SORCS3: variants seen among roughly 807,000 people sequenced by gnomAD.
SORCS3 encodes sortilin related VPS10 domain containing receptor 3.
In SORCS3, 57 loss-of-function variants were observed where a neutral mutation model predicts 146.3. That is an observed-to-expected ratio of 0.39 (90% CI 0.31 to 0.49). SORCS3 has a LOEUF of 0.49. SORCS3 is among the 20% of genes least tolerant of loss of function. SORCS3 has a pLI of 0.92. For missense variants in SORCS3, 1,341 were observed against 1,575.5 expected, an observed-to-expected ratio of 0.85 and a Z score of 2.52; for synonymous variants, 653 against 618.5, an observed-to-expected ratio of 1.06 and a Z score of -0.83.
rs564141211 is a variant in SORCS3 at position 104,832,664 on chromosome 10, G to A, written c.628-10128G>A. Among the ~76,000 whole-genome samples, 157 of 152,294 alleles carry A rather than the reference G, an allele frequency of 1.0e-3. 1 individual carries two copies. The Middle Eastern group carries it at 0.017, about 16-fold the overall frequency. ...ACCCAGGAGGCAGAGGTTGCAGTGA[G>A]CCAAGACAGGGCCATTGCCCTCCAG... On this transcript the variant is annotated intron_variant, in intron 1 of 26. Coordinates refer to ENST00000369701, the MANE Select transcript of SORCS3 (RefSeq NM_014978.3).
chr10:105,098,647 AATG>A (rs1394278517), intron 6 of SORCS3, among the ~76,000 whole-genome samples: 1 of 152,200 alleles, frequency 6.6e-6, no homozygotes, highest in Non-Finnish European at 1.5e-5. Flanking sequence ...ATAACAGGGA[AATG>A]ATAATAATTG....
chr10:104,847,932 G>T (rs1332313515), intron 2 of SORCS3, among the ~76,000 whole-genome samples: 2 of 151,936 alleles, frequency 1.3e-5, no homozygotes, highest in Non-Finnish European at 2.9e-5. Flanking sequence ...GGCACTTCCT[G>T]CTGGAGACCT....
intron 1 of SORCS3, among the ~76,000 whole-genome samples, chr10:104,733,636 A>G (rs991707304): frequency 3.3e-5 from 5 of 151,460 alleles, no homozygotes; most frequent in Admixed American, 1.3e-4. Flanking sequence ...GAGATCAGAG[A>G]CTTGCCTTCA....
At chr10:105,102,195 G>A (rs933905058) in intron 6 of SORCS3, among the ~76,000 whole-genome samples, 2 of 152,132 alleles carry the variant, frequency 1.3e-5, no homozygotes, top group Non-Finnish European at 2.9e-5. Flanking sequence ...AAATTGCAGA[G>A]CAGAAAGGAA....
chr10:104,911,841 G>A (rs1345198611), intron 2 of SORCS3, among the ~76,000 whole-genome samples: 1 of 152,114 alleles, frequency 6.6e-6, no homozygotes, highest in Non-Finnish European at 1.5e-5. Flanking sequence ...TCTAAGTCAT[G>A]TTAGCCAGAA....
rs1564766748 is a variant in SORCS3 at position 105,147,734 on chromosome 10, G to A, written c.1420G>A (p.Ala474Thr). The change falls in exon 9 of 27, where the codon GCC becomes ACC. Residue 474 changes from alanine to threonine, a missense_variant. Transcript: ENST00000369701. ...SDTRGIYFTL[A>T]MENIKSSRGL... Reference sequence around the variant, plus strand: ...CACGCGTGGGATTTACTTCACTCTGGCCATGGAGAACATCAAGAGCAGCAG... The same window carrying A: ...CACGCGTGGGATTTACTTCACTCTGACCATGGAGAACATCAAGAGCAGCAG... The A allele has an allele frequency of 6.2e-7, 1 of 1,613,094 alleles. No individual in the cohort carries two copies. The highest frequency in any genetic ancestry group is 8.5e-7 in the Non-Finnish European group (1 of 1,179,334).
At chr10:105,009,991 A>G (rs2133680306) in intron 4 of SORCS3, among the ~76,000 whole-genome samples, 1 of 152,278 alleles carries the variant, frequency 6.6e-6, no homozygotes, top group African/African-American at 2.4e-5. Context: ...CCCAAACATA[A>G]TCTAAGATTT....
intron 7 of SORCS3, among the ~76,000 whole-genome samples, chr10:105,118,393 C>A (rs985620833): frequency 2.6e-5 from 4 of 152,110 alleles, no homozygotes; most frequent in African/African-American, 9.7e-5. Context: ...TCAATTAAAC[C>A]TCTTTTCTTT....
intron 2 of SORCS3, among the ~76,000 whole-genome samples, chr10:104,863,763 G>A (rs767402977): frequency 6.6e-6 from 1 of 152,228 alleles, no homozygotes; most frequent in African/African-American, 2.4e-5. Flanking sequence ...TAGCTTTGCA[G>A]TGGTGGTGTT....
At chr10:105,200,144 G>A (rs2056566253) in intron 15 of SORCS3, 28 bp downstream of exon 15, 6 of 1,569,506 alleles carry the variant, frequency 3.8e-6, no homozygotes, top group Non-Finnish European at 5.3e-6. Flanking sequence ...TTGGAGTGCT[G>A]GCTTTGAGGA....
At chr10:104,737,249 G>A (rs2016784942) in intron 1 of SORCS3, among the ~76,000 whole-genome samples, 1 of 152,154 alleles carries the variant, frequency 6.6e-6, no homozygotes, top group Admixed American at 6.5e-5. Context: ...AAGTGTGCAT[G>A]TGTCTTTATA....
intron 5 of SORCS3, among the ~76,000 whole-genome samples, chr10:105,081,221 T>A (rs943122286): frequency 1.3e-5 from 2 of 152,184 alleles, no homozygotes; most frequent in African/African-American, 4.8e-5. Context: ...AATATTTCCC[T>A]CATGCATACC....
chr10:104,750,165 T>C (rs1315579660), intron 1 of SORCS3, among the ~76,000 whole-genome samples: 1 of 152,046 alleles, frequency 6.6e-6, no homozygotes, highest in Non-Finnish European at 1.5e-5. Flanking sequence ...CAGGGAAAGA[T>C]TATAGAAGGG....
At chr10:104,921,913 G>C (rs775260986) in intron 3 of SORCS3, among the ~76,000 whole-genome samples, 2 of 152,190 alleles carry the variant, frequency 1.3e-5, no homozygotes, top group Non-Finnish European at 1.5e-5. Flanking sequence ...TTTCTTGGAG[G>C]AGGAGGGGAA....
intron 3 of SORCS3, among the ~76,000 whole-genome samples, chr10:104,961,547 C>T (rs1334122906): frequency 6.6e-6 from 1 of 152,210 alleles, no homozygotes; most frequent in East Asian, 1.9e-4. Flanking sequence ...TTTAAAATTA[C>T]TGGAAATAAA....
chr10:105,247,325 G>C lies in SORCS3; in HGVS notation c.3099G>C (p.Leu1033=), dbSNP rs2056872934. 1.3e-6 allele frequency: 2 copies of C among 1,592,778 alleles called. No individual in the cohort carries two copies. The change falls in exon 22 of 27, where the codon CTG becomes CTC. Residue 1033 remains leucine, a synonymous_variant. Coordinates refer to ENST00000369701, the MANE Select transcript of SORCS3 (RefSeq NM_014978.3). ...TTGGCAATGTCATCAAGCGAGCTCT[G>C]GTTAAAGTAAGTTGGCTTTGTCTTT... ...KDIGNVIKRA[L]VKVTSVPEDQ...
intron 4 of SORCS3, among the ~76,000 whole-genome samples, chr10:104,992,095 C>T (rs577263484): frequency 6.6e-6 from 1 of 152,236 alleles, no homozygotes; most frequent in African/African-American, 2.4e-5. Context: ...ATTCCCGAGA[C>T]ATATGGAATG....
intron 2 of SORCS3, among the ~76,000 whole-genome samples, chr10:104,882,933 G>A (rs1251206143): frequency 6.6e-6 from 1 of 152,188 alleles, no homozygotes; most frequent in African/African-American, 2.4e-5. Context: ...CTGATTTTTG[G>A]TGAAGTGTGG....
At chr10:105,039,402 G>T (rs970008868) in intron 4 of SORCS3, among the ~76,000 whole-genome samples, 1 of 151,394 alleles carries the variant, frequency 6.6e-6, no homozygotes, top group Admixed American at 6.6e-5. Context: ...GGCAAGGTAG[G>T]AGGTGAAACA....
Sources: gnomAD v4.1 joint callset for allele counts (sites outside exome capture counted in the v4.1 genomes callset) on GRCh38, gnomAD v4.1.1 for gene constraint, MANE v1.5 for transcripts, NCBI Gene and HGNC (gene_info 2026-07-23, HGNC 2026-07-21) for gene names.